The following GRM8 variants were observed in gnomAD, a reference collection of about 807,000 sequenced individuals.
GRM8 encodes the protein glutamate metabotropic receptor 8, also known as metabotropic glutamate receptor 8.
Under a neutral mutation model 87.2 loss-of-function variants are expected in GRM8, and 47 were observed. The observed-to-expected ratio is 0.54, with a 90% CI of 0.43 to 0.69. The LOEUF (loss-of-function observed/expected upper bound fraction) is 0.69. GRM8 is among the 30% of genes least tolerant of loss of function. The pLI is 0.00. For missense variants in GRM8, 1,019 were observed against 1,139.2 expected (o/e 0.89, Z 1.52); for synonymous variants, 396 against 404.5 (o/e 0.98, Z 0.25).
At chr7:127,245,008 TCAC>T (rs1220608768) in intron 1 of GRM8, among the ~76,000 whole-genome samples, 1 of 152,210 alleles carries the variant, frequency 6.6e-6, no homozygotes, top group African/African-American at 2.4e-5. Context: ...CTGATTTTTC[TCAC>T]CACTTCACTG....
At chr7:126,903,483 A>C (rs966662349) in intron 5 of GRM8, among the ~76,000 whole-genome samples, 13 of 151,586 alleles carry the variant, frequency 8.6e-5, no homozygotes, top group African/African-American at 2.7e-4. Context: ...TCAAACTCAA[A>C]GTGCAATTAC....
intron 7 of GRM8, among the ~76,000 whole-genome samples, chr7:126,667,174 T>C (rs940677246): frequency 6.6e-6 from 1 of 152,206 alleles, no homozygotes; most frequent in Non-Finnish European, 1.5e-5. Context: ...GAGATGTATA[T>C]ACCATTATTA....
rs2299534 is a variant in GRM8 at position 127,104,957 on chromosome 7, A to G, written c.727+1539T>C. Among the ~76,000 whole-genome samples the G allele has an allele frequency of 3.1e-3, 465 of 152,350 alleles. 5 individuals carry two copies. The East Asian group carries it at 0.057, about 19-fold the overall frequency. On this transcript the variant is annotated intron_variant, in intron 3 of 10. Transcript: ENST00000339582. ...TGTTTTGAATTTTTTATAGTAATCT[A>G]TCTCATGCACACAAAATGTGTCCTC...
intron 2 of GRM8, among the ~76,000 whole-genome samples, chr7:127,156,938 G>A (rs989951563): frequency 2.0e-5 from 3 of 152,062 alleles, no homozygotes; most frequent in Admixed American, 6.6e-5. Flanking sequence ...GAGAGCAGAT[G>A]CAGAAATTAT....
At chr7:126,569,690 G>C (rs907905128) in intron 8 of GRM8, among the ~76,000 whole-genome samples, 1 of 152,112 alleles carries the variant, frequency 6.6e-6, no homozygotes, top group Non-Finnish European at 1.5e-5. Context: ...GTGGTAAAGC[G>C]TGTCTTTTCC....
chr7:126,757,302 T>A (rs1043277752), intron 7 of GRM8, among the ~76,000 whole-genome samples: 1 of 152,042 alleles, frequency 6.6e-6, no homozygotes, highest in Non-Finnish European at 1.5e-5. Context: ...TAATGAGGAA[T>A]AGAGAACCCA....
intron 6 of GRM8, among the ~76,000 whole-genome samples, chr7:126,889,036 C>T (rs1034277433): frequency 6.6e-6 from 1 of 152,024 alleles, no homozygotes; most frequent in Non-Finnish European, 1.5e-5. Context: ...TGTCGGCCCA[C>T]CGTTGGGGTG....
intron 6 of GRM8, among the ~76,000 whole-genome samples, chr7:126,892,201 T>G (rs1015091733): frequency 7.9e-5 from 12 of 151,896 alleles, no homozygotes; most frequent in African/African-American, 2.4e-4. Flanking sequence ...GTGCAGGTTA[T>G]TTACATATGT....
At chr7:127,179,069 C>A (rs558226819) in intron 2 of GRM8, among the ~76,000 whole-genome samples, 10 of 152,242 alleles carry the variant, frequency 6.6e-5, no homozygotes, top group African/African-American at 2.2e-4. Context: ...TACAGAACCA[C>A]GGAATGGATA....
chr7:126,601,082 T>A (rs1240540629), intron 8 of GRM8, among the ~76,000 whole-genome samples: 2 of 112,330 alleles, frequency 1.8e-5, no homozygotes. Flanking sequence ...CCCTCTCCCC[T>A]CCCCCCACCC....
At chr7:126,826,726 T>A (rs1054301309) in intron 6 of GRM8, among the ~76,000 whole-genome samples, 1 of 152,164 alleles carries the variant, frequency 6.6e-6, no homozygotes, top group African/African-American at 2.4e-5. Flanking sequence ...TTTAATTAGA[T>A]CTCATTTGTC....
intron 7 of GRM8, among the ~76,000 whole-genome samples, chr7:126,635,414 A>T (rs983221912): frequency 6.6e-6 from 1 of 152,114 alleles, no homozygotes; most frequent in Admixed American, 6.6e-5. Flanking sequence ...AACTCTAAAA[A>T]TATATATTAA....
chr7:126,772,988 G>C (rs980712577), intron 6 of GRM8, among the ~76,000 whole-genome samples: 1 of 152,092 alleles, frequency 6.6e-6, no homozygotes, highest in African/African-American at 2.4e-5. Context: ...CCAATAAGCA[G>C]GAATTGAATG....
intron 6 of GRM8, among the ~76,000 whole-genome samples, chr7:126,867,820 C>G (rs1170803344): frequency 6.6e-6 from 1 of 152,120 alleles, no homozygotes; most frequent in African/African-American, 2.4e-5. Flanking sequence ...GTGTTTGAAC[C>G]AGGGCCAAGG....
chr7:126,471,641 T>C (rs1351056720), intron 9 of GRM8, among the ~76,000 whole-genome samples: 1 of 151,914 alleles, frequency 6.6e-6, no homozygotes, highest in Non-Finnish European at 1.5e-5. Flanking sequence ...TCCAGCTTTG[T>C]TCTTTTGGCT....
At chr7:127,189,911 G>A (rs1285651224) in intron 2 of GRM8, among the ~76,000 whole-genome samples, 1 of 152,206 alleles carries the variant, frequency 6.6e-6, no homozygotes, top group Non-Finnish European at 1.5e-5. Context: ...CAAAACTAAT[G>A]TATCAGATAT....
At position 127,015,234 on chromosome 7, in the gene GRM8, AG is replaced by A. The variant is rs1194826436; in HGVS notation, c.727+91261del. On this transcript the variant is annotated intron_variant, in intron 3 of 10. Transcript: ENST00000339582. ...AAGAAGAAGAAGAAGAAGAAGAAGA[AG>A]AAGAAGAAGAAGAAGAAGAAGAAGA... Among the ~76,000 whole-genome samples, 439 of 137,548 alleles carry A rather than the reference AG, an allele frequency of 3.2e-3. 11 individuals carry two copies. The highest frequency in any genetic ancestry group is 9.1e-3 in the East Asian group (40 of 4,398). The allele number at this position is 137,548 out of a possible 152,430, so 90.2% of individuals were successfully genotyped here.
intron 7 of GRM8, among the ~76,000 whole-genome samples, chr7:126,705,780 C>T (rs1810449227): frequency 6.6e-6 from 1 of 152,094 alleles, no homozygotes; most frequent in South Asian, 2.1e-4. Context: ...AACATCTAAT[C>T]TTTAAGTTGA....
intron 7 of GRM8, among the ~76,000 whole-genome samples, chr7:126,640,834 T>A (rs569346948): frequency 7.2e-5 from 11 of 152,224 alleles, no homozygotes; most frequent in African/African-American, 2.4e-4. Context: ...GGAAAGCTCA[T>A]GAGAAGAGCG....
Sources: gnomAD v4.1 joint callset for allele counts (sites outside exome capture counted in the v4.1 genomes callset) on GRCh38, gnomAD v4.1.1 for gene constraint, MANE v1.5 for transcripts, NCBI Gene and HGNC (gene_info 2026-07-23, HGNC 2026-07-21) for gene names.